Variants in SESN1 observed in about 807,000 individuals in gnomAD.
SESN1 encodes sestrin 1, also known as sestrin-1.
A neutral mutation model predicts 59.3 loss-of-function variants in SESN1; 30 were observed. The observed-to-expected ratio is 0.51, with a 90% confidence interval of 0.38 to 0.69. The LOEUF (loss-of-function observed/expected upper bound fraction) is 0.69. SESN1 is among the 30% of genes least tolerant of loss of function. The pLI is 0.00. For missense variants in SESN1, 566 were observed against 673.0 expected, an observed-to-expected ratio of 0.84 and a Z score of 1.76; for synonymous variants, 197 against 219.9, an observed-to-expected ratio of 0.90 and a Z score of 0.92.
At chr6:109,056,136 G>A (rs568836691) in intron 1 of SESN1, among the ~76,000 whole-genome samples, 1 of 152,342 alleles carries the variant, frequency 6.6e-6, no homozygotes, top group East Asian at 1.9e-4. Flanking sequence ...ACTGGGTGCA[G>A]TGACTCATGC....
At position 109,060,122 on chromosome 6, in the gene SESN1, T is replaced by TAC. The variant is rs139094576; in HGVS notation, c.279+33671_279+33672dup. On this transcript the variant is annotated intron_variant, in intron 1 of 9. Coordinates refer to ENST00000436639, the MANE Select transcript of SESN1 (RefSeq NM_014454.3). ...AGACAAACACATGTGTACACACACG[T>TAC]ACACACACACACACACACATTTATA... Among the ~76,000 whole-genome samples the TAC allele has an allele frequency of 1.6e-3, 238 of 149,896 alleles. 1 individual carries two copies. Among genetic ancestry groups the TAC allele is most frequent in the Middle Eastern group, 6.9e-3 (2 of 290 alleles).
chr6:109,073,995 G>A (rs1171605680), intron 1 of SESN1, among the ~76,000 whole-genome samples: 1 of 152,124 alleles, frequency 6.6e-6, no homozygotes. Flanking sequence ...TAACATTTTG[G>A]TCAACAATGG....
chr6:108,991,635 T>C (rs987695134), intron 7 of SESN1, among the ~76,000 whole-genome samples: 4 of 152,196 alleles, frequency 2.6e-5, no homozygotes, highest in African/African-American at 9.6e-5. Context: ...AGTCTCCTAA[T>C]TAGTTTTCCT....
intron 1 of SESN1, among the ~76,000 whole-genome samples, chr6:109,081,548 T>C (rs1781122196): frequency 6.6e-6 from 1 of 152,198 alleles, no homozygotes; most frequent in African/African-American, 2.4e-5. Context: ...GGGTTAGGTG[T>C]GGCATACAGA....
chr6:108,994,441 CTA>C lies in SESN1; in HGVS notation c.1120+19_1120+20del. 6.3e-7 allele frequency: 1 copy of C among 1,581,404 alleles called. No individual in the cohort carries two copies. Among genetic ancestry groups the C allele is most frequent in the Non-Finnish European group, 8.6e-7 (1 of 1,161,628 alleles). ...GTTGAGTTTGCAATAATTATATTGACTATATAATGGTTGTTCTTACCTGAAGA... is the reference window on the plus strand; with the variant it reads ...GTTGAGTTTGCAATAATTATATTGACTATAATGGTTGTTCTTACCTGAAGA... On this transcript the variant is annotated intron_variant, in intron 6 of 9. Coordinates refer to ENST00000436639, the MANE Select transcript of SESN1 (RefSeq NM_014454.3).
intron 1 of SESN1, among the ~76,000 whole-genome samples, chr6:109,068,044 T>C (rs767022269): frequency 2.8e-4 from 43 of 152,230 alleles, no homozygotes; most frequent in Non-Finnish European, 4.6e-4. Flanking sequence ...CAGGCTTCTC[T>C]TATAGCTGCA....
At chr6:108,994,698 C>CTTTTTTTTTTT (rs11395949) in intron 5 of SESN1, 89 bp from the exon 6 acceptor site, 1 of 274,832 alleles carries the variant, frequency 3.6e-6, no homozygotes, top group Non-Finnish European at 6.0e-6. Context: ...GAATTTATAT[C>CTTTTTTTTTTT]TTTTTTTTTT....
chr6:109,031,214 A>G (rs1348726370), intron 1 of SESN1, among the ~76,000 whole-genome samples: 1 of 152,170 alleles, frequency 6.6e-6, no homozygotes, highest in Non-Finnish European at 1.5e-5. Context: ...TAGTAGTGGG[A>G]AACGGTCAGT....
chr6:109,001,896 T>C (rs1032614967), intron 2 of SESN1, among the ~76,000 whole-genome samples: 1 of 152,198 alleles, frequency 6.6e-6, no homozygotes, highest in African/African-American at 2.4e-5. Context: ...AAAGCATAGA[T>C]GCTTTTATAC....
chr6:109,047,508 C>T (rs1360753176), intron 1 of SESN1, among the ~76,000 whole-genome samples: 131 of 125,324 alleles, frequency 1.0e-3, no homozygotes, highest in African/African-American at 3.4e-3. Context: ...CCGCCCCGTC[C>T]GGGAGGTGAG....
chr6:109,063,740 T>C (rs763084987), intron 1 of SESN1, among the ~76,000 whole-genome samples: 1 of 152,186 alleles, frequency 6.6e-6, no homozygotes, highest in Non-Finnish European at 1.5e-5. Context: ...ATTGTCTTTC[T>C]ACTCAATCTA....
chr6:109,001,629 A>G lies in SESN1; in HGVS notation c.346-141T>C, dbSNP rs999365338. The G allele has an allele frequency of 4.3e-6, 3 of 704,074 alleles. No individual in the cohort carries two copies. In the African/African-American group the frequency reaches 5.4e-5, roughly 13 times the overall value. The allele number at this position is 704,074 out of a possible 1,614,324, so 43.6% of individuals were successfully genotyped here. On this transcript the variant is annotated intron_variant, in intron 2 of 9. Transcript: ENST00000436639. Reference sequence around the variant, plus strand: ...AAAGAGGGGTTACAAATTTAAACTCAACTGGTTGAAAGATACAGAAGAATA... The same window carrying G: ...AAAGAGGGGTTACAAATTTAAACTCGACTGGTTGAAAGATACAGAAGAATA...
At chr6:109,020,248 C>T (rs1440944842) in intron 1 of SESN1, among the ~76,000 whole-genome samples, 4 of 151,908 alleles carry the variant, frequency 2.6e-5, no homozygotes, top group African/African-American at 9.7e-5. Context: ...GATATATTGT[C>T]CTAGGTTAAA....
Position 108,990,731 on chromosome 6 carries a change from A to G in SESN1, c.1338T>C (p.Tyr446=), listed in dbSNP as rs199885966. The change falls in exon 8 of 10, where the codon TAT becomes TAC. Residue 446 remains tyrosine, a synonymous_variant. Transcript: ENST00000436639. ...CATCTTTGTGCATTGCCATTGTATT[A>G]TAAGTAAGATTGTAAGCAATGTGAA... ...EKFHIAYNLT[Y]NTMAMHKDVD... is the part of the protein sequence containing the mutation. 6.8e-6 allele frequency: 11 copies of G among 1,614,014 alleles called. No individual in the cohort carries two copies. The highest frequency in any genetic ancestry group is 2.7e-5 in the African/African-American group (2 of 74,932).
intron 1 of SESN1, among the ~76,000 whole-genome samples, chr6:109,054,903 C>G (rs577800131): frequency 4.7e-4 from 71 of 152,294 alleles, no homozygotes; most frequent in Middle Eastern, 3.4e-3. Flanking sequence ...CTTGCTTTTA[C>G]GCTTTAAAAG....
Position 109,024,054 on chromosome 6 carries a change from A to G in SESN1, c.280-21711T>C, listed in dbSNP as rs543646923. Among the ~76,000 whole-genome samples the G allele has an allele frequency of 1.4e-4, 22 of 152,314 alleles. No individual in the cohort carries two copies. In the East Asian group the frequency reaches 4.1e-3, roughly 28 times the overall value. On this transcript the variant is annotated intron_variant, in intron 1 of 9. Transcript: ENST00000436639. ...GCCAAAATAGATGTTGACTATTGAT[A>G]TAGCAACATTTCATTATATCTCAAT...
At chr6:109,085,288 G>C (rs1408980254) in intron 1 of SESN1, among the ~76,000 whole-genome samples, 2 of 152,132 alleles carry the variant, frequency 1.3e-5, no homozygotes, top group Non-Finnish European at 2.9e-5. Flanking sequence ...GGGAAGCCGA[G>C]GCAGGCAGAT....
chr6:109,018,544 G>A (rs186592987), intron 1 of SESN1, among the ~76,000 whole-genome samples: 20 of 151,780 alleles, frequency 1.3e-4, no homozygotes, highest in Admixed American at 5.9e-4. Context: ...CTGAAAGGGT[G>A]TAACTGTCAA....
intron 1 of SESN1, among the ~76,000 whole-genome samples, chr6:109,086,918 G>C (rs1048646616): frequency 6.6e-6 from 1 of 152,124 alleles, no homozygotes; most frequent in African/African-American, 2.4e-5. Flanking sequence ...TGGATCACAA[G>C]GTCAGGAGTT....
Sources: allele counts gnomAD v4.1 joint callset (sites outside exome capture counted in the v4.1 genomes callset), GRCh38; gene constraint gnomAD v4.1.1; transcripts MANE v1.5; gene names NCBI Gene and HGNC (gene_info 2026-07-23, HGNC 2026-07-21).